The following PEBP4 variants were observed in gnomAD, a reference collection of about 807,000 sequenced individuals.
PEBP4 encodes phosphatidylethanolamine-binding protein 4.
A neutral mutation model predicts 23.9 loss-of-function variants in PEBP4; 22 were observed. The ratio of observed to expected loss-of-function variants is 0.92; its 90% CI spans 0.66 to 1.31. PEBP4 has a LOEUF of 1.31. Among genes scored for constraint, PEBP4 ranks in the 40% most tolerant of loss-of-function variants. The probability of loss-of-function intolerance (pLI) is 0.00; values close to 1 mark genes in which losing one functional copy is unlikely to be tolerated. For synonymous variants in PEBP4, 112 were observed against 99.3 expected (o/e 1.13, Z -0.76); for missense variants, 324 against 281.7 (o/e 1.15, Z -1.07).
intron 2 of PEBP4, chr8:22,925,422 T>A: frequency 1.4e-6 from 1 of 714,486 alleles, no homozygotes; most frequent in Non-Finnish European, 1.7e-6. Context: ...CTGCTACTTT[T>A]AAGCTATGTA....
chr8:22,827,264 C>A (rs865852687), intron 3 of PEBP4, among the ~76,000 whole-genome samples: 4 of 151,962 alleles, frequency 2.6e-5, no homozygotes, highest in Admixed American at 2.6e-4. Context: ...TAAACTTCAC[C>A]CATTTTAAGT....
At position 22,937,505 on chromosome 8, in the gene PEBP4, T is replaced by C. The variant is rs540840334; in HGVS notation, c.145-9785A>G. Among the ~76,000 whole-genome samples the C allele has an allele frequency of 1.2e-4, 19 of 152,244 alleles. No individual in the cohort carries two copies. The South Asian group carries it at 2.3e-3, about 18-fold the overall frequency. Reference sequence around the variant, plus strand: ...ACTTAATATTGTTAAAATGACAAAGTTACTCAAAGTGACCTACAGATTAAT... The same window carrying C: ...ACTTAATATTGTTAAAATGACAAAGCTACTCAAAGTGACCTACAGATTAAT... On this transcript the variant is annotated intron_variant, in intron 1 of 1. Coordinates refer to the PEBP4 transcript ENST00000522278.
chr8:22,911,613 C>G (rs1808940034), intron 3 of PEBP4, among the ~76,000 whole-genome samples: 1 of 152,222 alleles, frequency 6.6e-6, no homozygotes, highest in South Asian at 2.1e-4. Context: ...GAGCAGGCAA[C>G]AAGTCCCTGT....
intron 4 of PEBP4, among the ~76,000 whole-genome samples, chr8:22,789,804 G>A (rs896324301): frequency 5.3e-5 from 8 of 152,182 alleles, no homozygotes; most frequent in South Asian, 2.1e-4. Flanking sequence ...ATTCCTCTCC[G>A]CCTCCCACTC....
chr8:22,737,629 A>C (rs1804895218), intron 4 of PEBP4, among the ~76,000 whole-genome samples: 1 of 152,174 alleles, frequency 6.6e-6, no homozygotes. Flanking sequence ...CCGTCCAGTT[A>C]AAGCAGCCTC....
intron 4 of PEBP4, among the ~76,000 whole-genome samples, chr8:22,749,187 T>G (rs1193490593): frequency 6.6e-6 from 1 of 152,206 alleles, no homozygotes; most frequent in Non-Finnish European, 1.5e-5. Flanking sequence ...TGCTTTTTGC[T>G]TATGTATGGT....
chr8:22,819,005 T>C (rs1806802807), intron 3 of PEBP4, among the ~76,000 whole-genome samples: 1 of 152,178 alleles, frequency 6.6e-6, no homozygotes, highest in Admixed American at 6.5e-5. Context: ...AGTTCTGGTT[T>C]AGATATCTTG....
intron 3 of PEBP4, among the ~76,000 whole-genome samples, chr8:22,883,152 T>C (rs990733906): frequency 6.6e-6 from 1 of 152,172 alleles, no homozygotes; most frequent in Non-Finnish European, 1.5e-5. Context: ...CAGGGGCATC[T>C]ATAGAAAGCA....
At chr8:22,830,146 T>TGTGTGTGTGTGTG (rs56204367) in intron 3 of PEBP4, among the ~76,000 whole-genome samples, 7 of 150,730 alleles carry the variant, frequency 4.6e-5, no homozygotes, top group South Asian at 2.1e-4. Flanking sequence ...TGTGTGTGTG[T>TGTGTGTGTGTGTG]TTTTACGGAG....
At position 22,918,996 on chromosome 8, in the gene PEBP4, G is replaced by A. The variant is rs187134426; in HGVS notation, c.258+1188C>T. 2.1e-3 allele frequency among the ~76,000 whole-genome samples: 317 copies of A among 152,222 alleles called. 1 individual carries two copies. The highest frequency in any genetic ancestry group is 3.7e-3 in the Non-Finnish European group (252 of 68,010). On this transcript the variant is annotated intron_variant, in intron 3 of 6. Coordinates refer to ENST00000256404, the MANE Select transcript of PEBP4 (RefSeq NM_144962.3). ...CTTCCCAAAGGAAAGGGTGTTTGTC[G>A]TGTTTGCAAACAAGACAACCTAGCA...
intron 3 of PEBP4, among the ~76,000 whole-genome samples, chr8:22,912,190 C>T (rs928483688): frequency 2.0e-5 from 3 of 152,172 alleles, no homozygotes; most frequent in Non-Finnish European, 2.9e-5. Flanking sequence ...GTAAGACAGT[C>T]GCCGGAGCAC....
At chr8:22,919,505 T>C (rs2128780557) in intron 3 of PEBP4, among the ~76,000 whole-genome samples, 1 of 152,288 alleles carries the variant, frequency 6.6e-6, no homozygotes, top group African/African-American at 2.4e-5. Context: ...TCTGGCTGCT[T>C]AGGGCAGCAG....
In PEBP4 at chr8:22,842,805, C is replaced by T. The variant is rs150993265; in HGVS notation, c.259-25070G>A. Among the ~76,000 whole-genome samples the T allele has an allele frequency of 2.0e-5, 3 of 152,246 alleles. No homozygotes were observed. The East Asian group carries it at 5.8e-4, about 29-fold the overall frequency. Reference sequence around the variant, plus strand: ...TGTTGCCATCTGGAAATTCTCGATACTTTTTGAACTACAGGCCCTGAATTT... The same window carrying T: ...TGTTGCCATCTGGAAATTCTCGATATTTTTTGAACTACAGGCCCTGAATTT... On this transcript the variant is annotated intron_variant, in intron 3 of 6. Coordinates refer to ENST00000256404, the MANE Select transcript of PEBP4 (RefSeq NM_144962.3).
At chr8:22,766,068 G>T (rs1805609686) in intron 4 of PEBP4, among the ~76,000 whole-genome samples, 1 of 152,260 alleles carries the variant, frequency 6.6e-6, no homozygotes, top group South Asian at 2.1e-4. Context: ...CAGGCAGCCA[G>T]CTCCTTGGCC....
intron 3 of PEBP4, among the ~76,000 whole-genome samples, chr8:22,854,541 A>G (rs1319634954): frequency 1.3e-5 from 2 of 152,200 alleles, no homozygotes; most frequent in African/African-American, 4.8e-5. Flanking sequence ...CACGACTGCC[A>G]GTAAAGGACA....
chr8:22,841,786 C>T (rs375647683), intron 3 of PEBP4, among the ~76,000 whole-genome samples: 17 of 152,372 alleles, frequency 1.1e-4, no homozygotes, highest in African/African-American at 4.1e-4. Flanking sequence ...GACACCAGCC[C>T]AAAGGGCCGC....
intron 3 of PEBP4, among the ~76,000 whole-genome samples, chr8:22,902,472 T>C (rs1410448746): frequency 6.7e-6 from 1 of 149,968 alleles, no homozygotes; most frequent in African/African-American, 2.5e-5. Flanking sequence ...GTGCTCTGAA[T>C]GTGTCCATGA....
rs61376190 is a variant in PEBP4, at chr8:22,732,634, TTGTG to T, written c.358-5418_358-5415del. 7.4e-3 allele frequency among the ~76,000 whole-genome samples: 1,101 copies of T among 149,218 alleles called. 7 individuals carry two copies. The highest frequency in any genetic ancestry group is 0.026 in the African/African-American group (1,033 of 39,828). ...CCTTTTTCCTAGAAGCTGGCCCCAT[TTGTG>T]TGTGTGTGTGTGTGTGTGTGTGTGT... On this transcript the variant is annotated intron_variant, in intron 4 of 6. Coordinates refer to ENST00000256404, the MANE Select transcript of PEBP4 (RefSeq NM_144962.3).
At chr8:22,808,580 C>T (rs1362476359) in intron 4 of PEBP4, among the ~76,000 whole-genome samples, 1 of 152,226 alleles carries the variant, frequency 6.6e-6, no homozygotes, top group Non-Finnish European at 1.5e-5. Flanking sequence ...GCGGGACTGA[C>T]TAACTCAGTC....
Sources: gnomAD v4.1 joint callset for allele counts (sites outside exome capture counted in the v4.1 genomes callset) on GRCh38, gnomAD v4.1.1 for gene constraint, MANE v1.5 for transcripts, NCBI Gene and HGNC (gene_info 2026-07-23, HGNC 2026-07-21) for gene names.